Variants in SMOC2 observed in about 807,000 individuals in gnomAD.
The protein encoded by SMOC2 is SPARC-related modular calcium-binding protein 2.
A neutral mutation model predicts 61.4 loss-of-function variants in SMOC2; 39 were observed. The observed-to-expected ratio is 0.64, with a 90% confidence interval of 0.49 to 0.83. SMOC2 has a LOEUF of 0.83. Ranked by LOEUF, SMOC2 falls within the 40% of genes least tolerant of loss-of-function variation. The probability of loss-of-function intolerance (pLI) is 0.00; values close to 1 mark genes in which losing one functional copy is unlikely to be tolerated. For missense variants in SMOC2, 556 were observed against 592.9 expected (o/e 0.94, Z 0.65); for synonymous variants, 247 against 239.9 (o/e 1.03, Z -0.27).
Position 168,453,860 on chromosome 6 carries a change from A to C in SMOC2, c.84+12406A>C. Among the ~76,000 whole-genome samples the C allele has an allele frequency of 7.5e-6, 1 of 133,766 alleles. No individual in the cohort carries two copies. The highest frequency in any genetic ancestry group is 1.6e-5 in the Non-Finnish European group (1 of 62,408). The allele number at this position is 133,766 out of a possible 152,430, so 87.8% of individuals were successfully genotyped here. A position where few individuals can be genotyped will look rare whatever the true frequency, so the allele number is the denominator to read the frequency against. On this transcript the variant is annotated intron_variant, in intron 1 of 12. Transcript: ENST00000356284. The surrounding 1 kb of genome is among the most constrained non-coding windows in gnomAD (Gnocchi z 4.4). ...TGTTTGTCTCTCATTCTTTCTCTGGATCTCTGCCATTCTCCATCTCTGTCT... is the reference window on the plus strand; with the variant it reads ...TGTTTGTCTCTCATTCTTTCTCTGGCTCTCTGCCATTCTCCATCTCTGTCT...
chr6:168,512,054 CAT>C (rs377478472), intron 2 of SMOC2, among the ~76,000 whole-genome samples: 143 of 152,146 alleles, frequency 9.4e-4, no homozygotes, highest in African/African-American at 3.3e-3. Context: ...AAGTGTTTAT[CAT>C]GTGATGATGT....
chr6:168,514,729 A>G (rs1013627859), intron 2 of SMOC2, among the ~76,000 whole-genome samples: 4 of 152,248 alleles, frequency 2.6e-5, no homozygotes, highest in African/African-American at 9.6e-5. Context: ...GCACCTCATT[A>G]AACTTGGAAT....
chr6:168,609,779 C>T (rs1207698364), intron 9 of SMOC2, among the ~76,000 whole-genome samples: 2 of 152,150 alleles, frequency 1.3e-5, no homozygotes, highest in Admixed American at 6.5e-5. Context: ...GTCTTTTGCC[C>T]CTAGTGTACT....
In SMOC2 at chr6:168,608,827, C is replaced by T. The variant is rs1188844414; in HGVS notation, c.907+588C>T. Among the ~76,000 whole-genome samples, 5 of 152,272 alleles carry T rather than the reference C, an allele frequency of 3.3e-5. No homozygotes were observed. The East Asian group carries it at 9.7e-4, about 29-fold the overall frequency. ...CTTCAAAGCTACTTGCCATTTGTTTCATTTTGATCTTTTTTTCTCTAAATA... is the reference window on the plus strand; with the variant it reads ...CTTCAAAGCTACTTGCCATTTGTTTTATTTTGATCTTTTTTTCTCTAAATA... On this transcript the variant is annotated intron_variant, in intron 9 of 12. Transcript: ENST00000356284.
intron 9 of SMOC2, among the ~76,000 whole-genome samples, chr6:168,637,072 G>A (rs1275997039): frequency 6.6e-6 from 1 of 151,904 alleles, no homozygotes; most frequent in Non-Finnish European, 1.5e-5. Context: ...AGGGACACGA[G>A]GAAATGGAGT....
chr6:168,577,526 C>G (rs955032193), intron 7 of SMOC2, among the ~76,000 whole-genome samples: 1 of 152,200 alleles, frequency 6.6e-6, no homozygotes, highest in Non-Finnish European at 1.5e-5. Flanking sequence ...ATAGCGGAAT[C>G]TCTCCACATG....
intron 2 of SMOC2, among the ~76,000 whole-genome samples, chr6:168,517,696 G>A (rs890652208): frequency 2.0e-5 from 3 of 152,228 alleles, no homozygotes; most frequent in African/African-American, 4.8e-5. Context: ...CCTGCGGCTC[G>A]CAGCTTCTTC....
In SMOC2 at chr6:168,536,142, C is replaced by T. The variant is rs1009875915; in HGVS notation, c.464-7483C>T. 4.6e-5 allele frequency among the ~76,000 whole-genome samples: 7 copies of T among 152,192 alleles called. No homozygotes were observed. In the East Asian group the frequency reaches 7.7e-4, roughly 17 times the overall value. On this transcript the variant is annotated intron_variant, in intron 4 of 12. Transcript: ENST00000356284. Reference sequence around the variant, plus strand: ...CGAGTTTCCAGGCAGCGCTGGTGCTCGTGGCTGGCCCCACACTCCAAGCCC... The same window carrying T: ...CGAGTTTCCAGGCAGCGCTGGTGCTTGTGGCTGGCCCCACACTCCAAGCCC...
chr6:168,634,878 A>G (rs759441340), intron 9 of SMOC2, among the ~76,000 whole-genome samples: 2 of 152,210 alleles, frequency 1.3e-5, no homozygotes, highest in East Asian at 3.8e-4. Flanking sequence ...TCTAAGCATT[A>G]TTTCAACATG....
chr6:168,499,490 T>C (rs1053825639), intron 1 of SMOC2, among the ~76,000 whole-genome samples: 5 of 152,220 alleles, frequency 3.3e-5, no homozygotes, highest in Admixed American at 6.5e-5. Context: ...CGATGAGCTA[T>C]ACATGAGCTA....
intron 1 of SMOC2, among the ~76,000 whole-genome samples, chr6:168,509,201 GC>G (rs1782949513): frequency 6.6e-6 from 1 of 152,194 alleles, no homozygotes; most frequent in Non-Finnish European, 1.5e-5. Context: ...GAGATGAAGG[GC>G]CTGGGGCCAC....
chr6:168,531,133 C>G (rs768347574), intron 4 of SMOC2, among the ~76,000 whole-genome samples: 1 of 152,106 alleles, frequency 6.6e-6, no homozygotes, highest in Middle Eastern at 3.2e-3. Flanking sequence ...CCAGAGGTGG[C>G]AAACCATGAA....
At chr6:168,660,417 G>A (rs930713076) in intron 11 of SMOC2, among the ~76,000 whole-genome samples, 1 of 152,214 alleles carries the variant, frequency 6.6e-6, no homozygotes, top group Non-Finnish European at 1.5e-5. Flanking sequence ...GTTCTCAGTA[G>A]CGCTGGGAGA....
At position 168,553,161 on chromosome 6, in the gene SMOC2, G is replaced by A. The variant is rs932751301; in HGVS notation, c.637+3958G>A. Among the ~76,000 whole-genome samples, 4 of 152,136 alleles carry A rather than the reference G, an allele frequency of 2.6e-5. No individual in the cohort carries two copies. The highest frequency in any genetic ancestry group is 9.7e-5 in the African/African-American group (4 of 41,414). On this transcript the variant is annotated intron_variant, in intron 7 of 12. Coordinates refer to ENST00000356284, the MANE Select transcript of SMOC2 (RefSeq NM_001166412.2). This position sits in a 1 kb window ranked among gnomAD's most constrained non-coding sequence, Gnocchi z 4.2. ...TGATTTAAATTTAATAAATATATAA[G>A]TCAAACATTCTCTTGGCTCATTTAG...
At chr6:168,488,719 A>C (rs905595905) in intron 1 of SMOC2, among the ~76,000 whole-genome samples, 9 of 152,012 alleles carry the variant, frequency 5.9e-5, no homozygotes, top group African/African-American at 2.2e-4. Flanking sequence ...TTAGAAGGAA[A>C]TATATCAAAT....
intron 1 of SMOC2, among the ~76,000 whole-genome samples, chr6:168,470,627 A>C (rs1781949165): frequency 6.6e-6 from 1 of 152,320 alleles, no homozygotes; most frequent in South Asian, 2.1e-4. Context: ...CAGTGAGCTG[A>C]GATAGTGCCC....
chr6:168,484,714 A>C (rs1321244099), intron 1 of SMOC2, among the ~76,000 whole-genome samples: 1 of 152,260 alleles, frequency 6.6e-6, no homozygotes, highest in Non-Finnish European at 1.5e-5. Context: ...GCAGATGAAT[A>C]GATAAATGAA....
intron 1 of SMOC2, among the ~76,000 whole-genome samples, chr6:168,500,375 G>C (rs1782697970): frequency 6.6e-6 from 1 of 152,114 alleles, no homozygotes; most frequent in African/African-American, 2.4e-5. Flanking sequence ...ACTGAAGTAG[G>C]AGGAGAGGGA....
At chr6:168,451,996 G>A (rs997422655) in intron 1 of SMOC2, among the ~76,000 whole-genome samples, 1 of 152,194 alleles carries the variant, frequency 6.6e-6, no homozygotes, top group Non-Finnish European at 1.5e-5. Context: ...TGTCTCCCAG[G>A]TTCCCTGGTT....
Sources: gnomAD v4.1 joint callset for allele counts (sites outside exome capture counted in the v4.1 genomes callset) on GRCh38, gnomAD v4.1.1 for gene constraint, Gnocchi (gnomAD v3.1) non-coding constraint, MANE v1.5 for transcripts, NCBI Gene and HGNC (gene_info 2026-07-23, HGNC 2026-07-21) for gene names.